Variants in HIPK2 observed in about 807,000 individuals in gnomAD.
HIPK2 encodes the protein homeodomain interacting protein kinase 2.
In HIPK2, 27 loss-of-function variants were observed where a neutral mutation model predicts 113.7. That is an observed-to-expected ratio of 0.24 (90% CI 0.17 to 0.33). The LOEUF (loss-of-function observed/expected upper bound fraction) is 0.33, where lower values mean the gene tolerates loss of function less well. Among genes scored for constraint, HIPK2 ranks in the 10% least tolerant of loss-of-function variants. HIPK2 has a pLI of 1.00. For missense variants in HIPK2, 1,257 were observed against 1,588.0 expected (o/e 0.79, Z 3.54); for synonymous variants, 631 against 642.2 (o/e 0.98, Z 0.26).
At chr7:139,627,932 G>A (rs1015810919) in intron 5 of HIPK2, among the ~76,000 whole-genome samples, 1 of 152,184 alleles carries the variant, frequency 6.6e-6, no homozygotes, top group African/African-American at 2.4e-5. Context: ...CCCAGTTGGT[G>A]TGAATGTGAC....
intron 2 of HIPK2, among the ~76,000 whole-genome samples, chr7:139,641,652 G>T (rs1299272905): frequency 8.5e-5 from 13 of 152,122 alleles, no homozygotes; most frequent in Admixed American, 8.5e-4. Flanking sequence ...ACCCCGGTGG[G>T]CAGAGTCAAC....
intron 2 of HIPK2, among the ~76,000 whole-genome samples, chr7:139,640,614 T>C (rs1800978304): frequency 6.6e-6 from 1 of 152,210 alleles, no homozygotes; most frequent in Non-Finnish European, 1.5e-5. Flanking sequence ...TAAGTCCATG[T>C]GAAAGCAATG....
chr7:139,719,303 C>T (rs552031505), intron 1 of HIPK2, among the ~76,000 whole-genome samples: 1 of 152,178 alleles, frequency 6.6e-6, no homozygotes, highest in South Asian at 2.1e-4. Context: ...GACGGGGTTT[C>T]ATGTTGGCCA....
intron 2 of HIPK2, among the ~76,000 whole-genome samples, chr7:139,695,008 A>G (rs1585388548): frequency 6.6e-6 from 1 of 152,096 alleles, no homozygotes; most frequent in Non-Finnish European, 1.5e-5. Flanking sequence ...ATGGCCTGCT[A>G]ATGTTTACTG....
chr7:139,580,942 G>A lies in HIPK2; in HGVS notation c.2965+2875C>T, dbSNP rs529184079. 4.7e-4 allele frequency among the ~76,000 whole-genome samples: 71 copies of A among 152,312 alleles called. No individual in the cohort carries two copies. The South Asian group carries it at 0.013, about 28-fold the overall frequency. The stretch of plus-strand genomic sequence containing the variant: ...AGGCTCAAAAAAAGGTGTCTTGGCC[G>A]GGCATGGTGGCTTATGCCTGTAATC... On this transcript the variant is annotated intron_variant, in intron 13 of 14. Transcript: ENST00000406875.
rs1798129882 is a variant in HIPK2, at chr7:139,567,479, A to G, written c.*5448T>C. ...CTAATGATGTCATTATTGCCTGGAAAGGAACGAAGGGAAGGCCATTTTGTC... is the reference window on the plus strand; with the variant it reads ...CTAATGATGTCATTATTGCCTGGAAGGGAACGAAGGGAAGGCCATTTTGTC... On this transcript the variant is annotated 3_prime_UTR_variant, in exon 15 of 15. Coordinates refer to ENST00000406875, the MANE Select transcript of HIPK2 (RefSeq NM_022740.5). The G allele has an allele frequency of 6.6e-6, 1 of 152,172 alleles. No individual in the cohort carries two copies. Among genetic ancestry groups the G allele is most frequent in the Non-Finnish European group, 1.5e-5 (1 of 68,030 alleles). The allele number at this position is 152,172 out of a possible 1,614,324, so 9.4% of individuals were successfully genotyped here. A position where few individuals can be genotyped will look rare whatever the true frequency, so the allele number is the denominator to read the frequency against.
In HIPK2 at chr7:139,613,298, G is replaced by A. The variant is rs763625684; in HGVS notation, c.2016C>T (p.His672=). 1.4e-5 allele frequency: 23 copies of A among 1,613,472 alleles called. No homozygotes were observed. The highest frequency in any genetic ancestry group is 5.0e-5 in the Admixed American group (3 of 59,958). Residue 672 remains histidine (H), a synonymous_variant, in exon 9 of 15, where the codon CAC becomes CAT. Coordinates refer to ENST00000406875, the MANE Select transcript of HIPK2 (RefSeq NM_022740.5). The surrounding 1 kb of genome is among the most constrained non-coding windows in gnomAD (Gnocchi z 4.2). ...FQGLQASPSK[H]AGYSVRMENA... ...TTTCCATTCGCACCGAGTAGCCAGC[G>A]TGCTTAGAGGGAGAGGCCTGCAAGC...
intron 1 of HIPK2, among the ~76,000 whole-genome samples, chr7:139,718,347 C>A (rs1795309175): frequency 6.6e-6 from 1 of 152,172 alleles, no homozygotes. Context: ...TCTCTCTGAG[C>A]CCCTGGCATT....
chr7:139,582,093 G>C (rs1379115021), intron 13 of HIPK2, among the ~76,000 whole-genome samples: 1 of 152,184 alleles, frequency 6.6e-6, no homozygotes, highest in Non-Finnish European at 1.5e-5. Flanking sequence ...AGAGAATGTT[G>C]CTTCCTGGCA....
chr7:139,606,067 T>A (rs1799606439), intron 9 of HIPK2, among the ~76,000 whole-genome samples: 1 of 152,238 alleles, frequency 6.6e-6, no homozygotes, highest in South Asian at 2.1e-4. Flanking sequence ...AAATGGATAT[T>A]AACATTTTAC....
Position 139,570,726 on chromosome 7 carries a change from G to A in HIPK2, c.*2201C>T, listed in dbSNP as rs1456629220. On this transcript the variant is annotated 3_prime_UTR_variant, in exon 15 of 15. Coordinates refer to ENST00000406875, the MANE Select transcript of HIPK2 (RefSeq NM_022740.5). ...TCCTTGAGGGAGACTGCACAGTGAG[G>A]AAGTAAAGGGAGGGAGGATGAGGAT... 1 of 152,550 alleles carries A rather than the reference G, an allele frequency of 6.6e-6. No homozygotes were observed. Among genetic ancestry groups the A allele is most frequent in the African/African-American group, 2.4e-5 (1 of 41,446 alleles). The allele number at this position is 152,550 out of a possible 1,614,324, so 9.4% of individuals were successfully genotyped here. A position where few individuals can be genotyped will look rare whatever the true frequency, so the allele number is the denominator to read the frequency against.
chr7:139,579,349 G>A (rs1294668057), intron 13 of HIPK2, among the ~76,000 whole-genome samples: 2 of 152,236 alleles, frequency 1.3e-5, no homozygotes, highest in East Asian at 1.9e-4. Context: ...CATCTTAGGT[G>A]AACTGGAAGG....
chr7:139,651,728 CAAA>C (rs905596439), intron 2 of HIPK2, among the ~76,000 whole-genome samples: 13 of 152,058 alleles, frequency 8.5e-5, no homozygotes, highest in Non-Finnish European at 1.9e-4. Context: ...AACAAACAAA[CAAA>C]AAAGGTTTAG....
Position 139,583,933 on chromosome 7 carries a change from A to G in HIPK2, c.2849T>C (p.Phe950Ser). The G allele has an allele frequency of 6.2e-7, 1 of 1,614,006 alleles. No individual in the cohort carries two copies. The highest frequency in any genetic ancestry group is 8.5e-7 in the Non-Finnish European group (1 of 1,179,880). The change falls in exon 13 of 15, where the codon TTT (phenylalanine) becomes TCT (serine). Residue 950 changes from phenylalanine (F) to serine (S), a missense_variant. Around this residue, in one of 5 missense-constraint regions of HIPK2, gnomAD observed 862 missense variants for 1,004.3 expected, o/e 0.86. Transcript: ENST00000406875. ...ATTCTCCAGGCTCCCCTTGGTGTCA[A>G]AGGCATTGGCATTGTTGTGCCCAGC... ...QRAGHNNANA[F>S]DTKGSLENHC... is the part of the protein sequence containing the mutation.
intron 2 of HIPK2, among the ~76,000 whole-genome samples, chr7:139,654,040 T>G (rs887251860): frequency 6.6e-6 from 1 of 152,168 alleles, no homozygotes; most frequent in African/African-American, 2.4e-5. Flanking sequence ...GCCAAAACTG[T>G]TTCTTTACTA....
intron 1 of HIPK2, among the ~76,000 whole-genome samples, chr7:139,773,147 G>A (rs1313600879): frequency 6.6e-6 from 1 of 152,160 alleles, no homozygotes. Context: ...TTAAAGATGG[G>A]CCCTCGTCTG....
chr7:139,639,119 G>A (rs989983963), intron 2 of HIPK2, among the ~76,000 whole-genome samples: 1 of 152,194 alleles, frequency 6.6e-6, no homozygotes, highest in African/African-American at 2.4e-5. Flanking sequence ...CCTCAGGTAA[G>A]GGAGGTAGTT....
At chr7:139,575,326 G>A (rs1569441910) in intron 13 of HIPK2, 38 bp from the exon 14 acceptor site, 3 of 1,530,588 alleles carry the variant, frequency 2.0e-6, no homozygotes, top group African/African-American at 1.4e-5. Flanking sequence ...TCAGTGGCAG[G>A]GTCCCAGCTG....
chr7:139,751,457 C>T (rs1235879995), intron 1 of HIPK2, among the ~76,000 whole-genome samples: 1 of 150,876 alleles, frequency 6.6e-6, no homozygotes, highest in East Asian at 2.0e-4. Context: ...GGCATGTTAC[C>T]CAGTTATAGC....
Sources: allele counts gnomAD v4.1 joint callset (sites outside exome capture counted in the v4.1 genomes callset), GRCh38; gene constraint gnomAD v4.1.1; regional missense constraint gnomAD v4.1.1; non-coding constraint Gnocchi (gnomAD v3.1); transcripts MANE v1.5; gene names NCBI Gene and HGNC (gene_info 2026-07-23, HGNC 2026-07-21).